Variants in CDK6 observed in about 807,000 individuals in gnomAD.
The protein encoded by CDK6 is cyclin dependent kinase 6.
In CDK6, 6 loss-of-function variants were observed where a neutral mutation model predicts 37.1. The ratio of observed to expected loss-of-function variants is 0.16; its 90% CI spans 0.09 to 0.32. The LOEUF (loss-of-function observed/expected upper bound fraction) is 0.32. Among genes scored for constraint, CDK6 ranks in the 10% least tolerant of loss-of-function variants. The pLI is 1.00. For missense variants in CDK6, 224 were observed against 418.9 expected, an observed-to-expected ratio of 0.53 and a Z score of 4.06; for synonymous variants, 160 against 161.3, an observed-to-expected ratio of 0.99 and a Z score of 0.06.
chr7:92,674,240 A>G (rs3757823), intron 4 of CDK6, among the ~76,000 whole-genome samples: 36,258 of 151,822 alleles, frequency 0.24, 6,497 homozygotes, highest in East Asian at 0.49. Context: ...TCCTCTCCAC[A>G]TATGTAAATT....
chr7:92,706,311 A>T (rs894996283), intron 4 of CDK6, among the ~76,000 whole-genome samples: 2 of 152,212 alleles, frequency 1.3e-5, no homozygotes, highest in African/African-American at 4.8e-5. Context: ...AAGTGGGAGG[A>T]TGGCCTTGAG....
At chr7:92,820,405 A>G (rs1584119583) in intron 2 of CDK6, among the ~76,000 whole-genome samples, 1 of 152,156 alleles carries the variant, frequency 6.6e-6, no homozygotes, top group African/African-American at 2.4e-5. Flanking sequence ...ACTGTTTACC[A>G]GTGTTCAACT....
chr7:92,822,730 A>G lies in CDK6; in HGVS notation c.233+10361T>C, dbSNP rs140225119. Reference sequence around the variant, plus strand: ...CAAAAATGATTAAAATAAGGTGCCCAAGAAAAAGCAGACAGCAATGCCATT... The same window carrying G: ...CAAAAATGATTAAAATAAGGTGCCCGAGAAAAAGCAGACAGCAATGCCATT... On this transcript the variant is annotated intron_variant, in intron 2 of 7. Coordinates refer to ENST00000424848, the MANE Select transcript of CDK6 (RefSeq NM_001145306.2). 2.4e-3 allele frequency among the ~76,000 whole-genome samples: 368 copies of G among 152,260 alleles called. 2 individuals are homozygous for G. Among genetic ancestry groups the G allele is most frequent in the African/African-American group, 8.5e-3 (353 of 41,582 alleles).
At chr7:92,693,244 GAGAA>G (rs1439227996) in intron 4 of CDK6, among the ~76,000 whole-genome samples, 1 of 152,184 alleles carries the variant, frequency 6.6e-6, no homozygotes, top group Non-Finnish European at 1.5e-5. Flanking sequence ...CCTGGGTTAA[GAGAA>G]AGAGATACAA....
chr7:92,801,740 G>A lies in CDK6; in HGVS notation c.234-26909C>T, dbSNP rs370181234. ...AGGCTCAAACAATCCTCCCACCTCAGCCTCCTGAGTAGCTGGGCCCACAGG... is the reference window on the plus strand; with the variant it reads ...AGGCTCAAACAATCCTCCCACCTCAACCTCCTGAGTAGCTGGGCCCACAGG... On this transcript the variant is annotated intron_variant, in intron 2 of 7. Transcript: ENST00000424848. Among the ~76,000 whole-genome samples the A allele has an allele frequency of 5.3e-4, 80 of 151,888 alleles. 2 individuals carry two copies. The highest frequency in any genetic ancestry group is 5.3e-3 in the East Asian group (27 of 5,140).
At chr7:92,739,425 A>C (rs1463003298) in intron 3 of CDK6, among the ~76,000 whole-genome samples, 1 of 152,192 alleles carries the variant, frequency 6.6e-6, no homozygotes. Context: ...ATAATAATAC[A>C]GTTTCTTTAC....
At chr7:92,672,190 T>TACACACACACACACACACACAC (rs71107866) in intron 4 of CDK6, among the ~76,000 whole-genome samples, 30 of 62,742 alleles carry the variant, frequency 4.8e-4, no homozygotes, top group African/African-American at 8.1e-4. Context: ...CACAGACACA[T>TACACACACACACACACACACAC]ACACACACAC....
At chr7:92,646,253 A>G (rs1796445777) in intron 5 of CDK6, among the ~76,000 whole-genome samples, 1 of 152,172 alleles carries the variant, frequency 6.6e-6, no homozygotes, top group Admixed American at 6.5e-5. Context: ...CTGTTTGCTA[A>G]TTATTACATG....
At chr7:92,643,695 T>C (rs535226118) in intron 5 of CDK6, among the ~76,000 whole-genome samples, 13 of 152,350 alleles carry the variant, frequency 8.5e-5, no homozygotes, top group Admixed American at 7.8e-4. Flanking sequence ...ACTTGGGTTC[T>C]GTTAAACAAG....
chr7:92,813,672 A>T (rs1001711490), intron 2 of CDK6, among the ~76,000 whole-genome samples: 1 of 152,248 alleles, frequency 6.6e-6, no homozygotes, highest in African/African-American at 2.4e-5. Context: ...AATTACATTC[A>T]CAGTGAGCTT....
At chr7:92,768,937 AGAAGATCT>A (rs1799646743) in intron 3 of CDK6, among the ~76,000 whole-genome samples, 1 of 152,046 alleles carries the variant, frequency 6.6e-6, no homozygotes, top group Non-Finnish European at 1.5e-5. Flanking sequence ...TGAGAAGAGA[AGAAGATCT>A]GAGAGGCTTT....
chr7:92,752,348 C>G (rs1345423895), intron 3 of CDK6, among the ~76,000 whole-genome samples: 1 of 152,150 alleles, frequency 6.6e-6, no homozygotes, highest in African/African-American at 2.4e-5. Context: ...TGAAAATAGT[C>G]ATGTTATTGA....
chr7:92,626,494 G>C (rs1334238547), intron 5 of CDK6, among the ~76,000 whole-genome samples: 1 of 152,080 alleles, frequency 6.6e-6, no homozygotes, highest in African/African-American at 2.4e-5. Context: ...AACATCTAAG[G>C]AAACACAGAT....
chr7:92,636,115 G>A (rs992474660), intron 5 of CDK6, among the ~76,000 whole-genome samples: 53 of 152,258 alleles, frequency 3.5e-4, no homozygotes, highest in African/African-American at 1.3e-3. Flanking sequence ...GGGGTGCAGT[G>A]AAGTGATCTC....
intron 5 of CDK6, among the ~76,000 whole-genome samples, chr7:92,668,186 G>C (rs1186550173): frequency 1.3e-5 from 2 of 152,152 alleles, no homozygotes; most frequent in Non-Finnish European, 2.9e-5. Context: ...GCCTATGGTA[G>C]TCAGTATGAT....
intron 4 of CDK6, among the ~76,000 whole-genome samples, chr7:92,675,852 A>G (rs1797191084): frequency 6.6e-6 from 1 of 152,126 alleles, no homozygotes; most frequent in Non-Finnish European, 1.5e-5. Context: ...TAGATTTAAA[A>G]ATGTATTGAC....
intron 5 of CDK6, among the ~76,000 whole-genome samples, chr7:92,636,693 C>T (rs1796178213): frequency 6.6e-6 from 1 of 152,074 alleles, no homozygotes. Flanking sequence ...TCTTCTTCCC[C>T]TGAGACGGAG....
intron 4 of CDK6, among the ~76,000 whole-genome samples, chr7:92,724,544 C>CA (rs1239395497): frequency 6.6e-6 from 1 of 152,052 alleles, no homozygotes; most frequent in Non-Finnish European, 1.5e-5. Flanking sequence ...TTATCTGTCT[C>CA]AGAGAATTTC....
At chr7:92,691,458 G>T (rs1207864310) in intron 4 of CDK6, among the ~76,000 whole-genome samples, 2 of 152,152 alleles carry the variant, frequency 1.3e-5, no homozygotes, top group African/African-American at 4.8e-5. Flanking sequence ...TTGTAAATGT[G>T]CATGCCAGAA....
Sources: allele counts gnomAD v4.1 joint callset (sites outside exome capture counted in the v4.1 genomes callset), GRCh38; gene constraint gnomAD v4.1.1; transcripts MANE v1.5; gene names NCBI Gene and HGNC (gene_info 2026-07-23, HGNC 2026-07-21).